Variants in SLC17A6 observed in about 807,000 individuals in gnomAD.
The protein encoded by SLC17A6 is vesicular glutamate transporter 2.
Under a neutral mutation model 67.1 loss-of-function variants are expected in SLC17A6, and 35 were observed. The ratio of observed to expected loss-of-function variants is 0.52; its 90% CI spans 0.40 to 0.69. SLC17A6 has a LOEUF of 0.69. SLC17A6 is among the 30% of genes least tolerant of loss of function. SLC17A6 has a pLI of 0.00. For missense variants in SLC17A6, 588 were observed against 723.9 expected, an observed-to-expected ratio of 0.81 and a Z score of 2.15; for synonymous variants, 285 against 252.3, an observed-to-expected ratio of 1.13 and a Z score of -1.23.
At chr11:22,359,849 G>A (rs1382550478) in intron 4 of SLC17A6, among the ~76,000 whole-genome samples, 1 of 151,978 alleles carries the variant, frequency 6.6e-6, no homozygotes, top group African/African-American at 2.4e-5. Context: ...GTCCTTTGCT[G>A]GTGATAACCA....
chr11:22,359,604 GTAAA>G (rs1393999804), intron 4 of SLC17A6, 77 bp downstream of exon 4: 4 of 794,814 alleles, frequency 5.0e-6, no homozygotes, highest in Non-Finnish European at 7.6e-6. Context: ...GTCTTTATCT[GTAAA>G]TAAATATATT....
Position 22,379,218 on chromosome 11 carries a change from C to T in SLC17A6, c.*1478C>T, listed in dbSNP as rs1276602006. On this transcript the variant is annotated 3_prime_UTR_variant, in exon 12 of 12. Coordinates refer to ENST00000263160, the MANE Select transcript of SLC17A6 (RefSeq NM_020346.3). Reference sequence around the variant, plus strand: ...TATGATAATACATTTCCCAATTCAACTCAAAATATTATTGGTGTATTTTGT... The same window carrying T: ...TATGATAATACATTTCCCAATTCAATTCAAAATATTATTGGTGTATTTTGT... 1 of 152,476 alleles carries T rather than the reference C, an allele frequency of 6.6e-6. No individual in the cohort carries two copies. Among genetic ancestry groups the T allele is most frequent in the Non-Finnish European group, 1.5e-5 (1 of 67,992 alleles). 9.4% of individuals were successfully genotyped at this position (152,476 alleles called of 1,614,324 possible).
chr11:22,344,866 A>AAT (rs1855857997), intron 3 of SLC17A6, among the ~76,000 whole-genome samples: 2 of 152,270 alleles, frequency 1.3e-5, no homozygotes, highest in East Asian at 1.9e-4. Flanking sequence ...TTAGATCCCC[A>AAT]ATATATATAG....
Position 22,377,852 on chromosome 11 carries a change from C to A in SLC17A6, c.*112C>A. On this transcript the variant is annotated 3_prime_UTR_variant, in exon 12 of 12. Coordinates refer to ENST00000263160, the MANE Select transcript of SLC17A6 (RefSeq NM_020346.3). ...TTGCAAGCATATCAACCAGGCAAGT[C>A]TTGCTGTAAAAATGAAAACAAAACA... 2 of 881,616 alleles carry A rather than the reference C, an allele frequency of 2.3e-6. No individual in the cohort carries two copies. Among genetic ancestry groups the A allele is most frequent in the Non-Finnish European group, 3.4e-6 (2 of 591,888 alleles). 54.6% of individuals were successfully genotyped at this position (881,616 alleles called of 1,614,324 possible).
chr11:22,347,066 C>T (rs1271621632), intron 3 of SLC17A6, among the ~76,000 whole-genome samples: 3 of 151,618 alleles, frequency 2.0e-5, no homozygotes, highest in Non-Finnish European at 2.9e-5. Flanking sequence ...TTTTACATGG[C>T]ACTTATCACC....
chr11:22,377,805 T>C lies in SLC17A6; in HGVS notation c.*65T>C. 5 of 1,334,716 alleles carry C rather than the reference T, an allele frequency of 3.7e-6. No individual in the cohort carries two copies. Among genetic ancestry groups the C allele is most frequent in the Non-Finnish European group, 5.1e-6 (5 of 988,768 alleles). 82.7% of individuals were successfully genotyped at this position (1,334,716 alleles called of 1,614,324 possible). A position where few individuals can be genotyped will look rare whatever the true frequency, so the allele number is the denominator to read the frequency against. ...AAATTCATTGTGATTGCACAAAAAT[T>C]TTAAAAACACGTGATGTAAACTTGC... is the stretch of plus-strand genomic sequence containing the variant. On this transcript the variant is annotated 3_prime_UTR_variant, in exon 12 of 12. Transcript: ENST00000263160.
Position 22,338,493 on chromosome 11 carries a change from C to G in SLC17A6, c.-41C>G. The G allele has an allele frequency of 7.2e-7, 1 of 1,390,932 alleles. No homozygotes were observed. The highest frequency in any genetic ancestry group is 1.0e-6 in the Non-Finnish European group (1 of 979,974). 86.2% of individuals were successfully genotyped at this position (1,390,932 alleles called of 1,614,324 possible). A position where few individuals can be genotyped will look rare whatever the true frequency, so the allele number is the denominator to read the frequency against. The stretch of plus-strand genomic sequence containing the variant: ...CAATCCTCGCCTTTCCTAGCAATCA[C>G]TATTTAAATCTGGCAAGAACTGACA... On this transcript the variant is annotated 5_prime_UTR_variant, in exon 1 of 12. Transcript: ENST00000263160.
chr11:22,378,695 A>G lies in SLC17A6; in HGVS notation c.*955A>G, dbSNP rs1856261583. 6.6e-6 allele frequency: 1 copy of G among 152,398 alleles called. No homozygotes were observed. Among genetic ancestry groups the G allele is most frequent in the African/African-American group, 2.4e-5 (1 of 41,462 alleles). The allele number at this position is 152,398 out of a possible 1,614,324, so 9.4% of individuals were successfully genotyped here. On this transcript the variant is annotated 3_prime_UTR_variant, in exon 12 of 12. Coordinates refer to ENST00000263160, the MANE Select transcript of SLC17A6 (RefSeq NM_020346.3). ...CTTTCTTCCTTCATAATTAAATACT[A>G]TATGAAACTTGTGCCACAGAGCTAT...
chr11:22,374,681 AG>A, intron 8 of SLC17A6, 73 bp from the exon 9 acceptor site: 1 of 1,269,932 alleles, frequency 7.9e-7, no homozygotes, highest in South Asian at 1.7e-5. Context: ...TGACAGATTC[AG>A]AAACAAAGGC....
chr11:22,364,055 T>C (rs1327664070), intron 6 of SLC17A6, among the ~76,000 whole-genome samples: 2 of 152,176 alleles, frequency 1.3e-5, no homozygotes, highest in Non-Finnish European at 2.9e-5. Flanking sequence ...CATTTGATAT[T>C]TATCATTGAA....
chr11:22,376,774 T>C, intron 11 of SLC17A6, 102 bp downstream of exon 11: 2 of 1,241,712 alleles, frequency 1.6e-6, no homozygotes. Flanking sequence ...TTTTCTTTCT[T>C]GTCCAGTCAC....
chr11:22,351,249 A>G (rs917901225), intron 3 of SLC17A6, among the ~76,000 whole-genome samples: 5 of 152,060 alleles, frequency 3.3e-5, no homozygotes, highest in African/African-American at 9.7e-5. Flanking sequence ...CTTTTATTAT[A>G]TTTCAGATTC....
chr11:22,349,397 G>A (rs1243175250), intron 3 of SLC17A6, among the ~76,000 whole-genome samples: 1 of 152,142 alleles, frequency 6.6e-6, no homozygotes, highest in Non-Finnish European at 1.5e-5. Context: ...GTCAGGAGAA[G>A]CCTGCATTTT....
intron 3 of SLC17A6, among the ~76,000 whole-genome samples, chr11:22,356,543 GA>G (rs1264798081): frequency 6.6e-6 from 1 of 152,098 alleles, no homozygotes; most frequent in Non-Finnish European, 1.5e-5. Context: ...GATAGATAAA[GA>G]AATTAAGAGA....
chr11:22,341,305 A>T (rs1855812575), intron 1 of SLC17A6, among the ~76,000 whole-genome samples: 1 of 152,158 alleles, frequency 6.6e-6, no homozygotes, highest in Admixed American at 6.5e-5. Flanking sequence ...AAAGGTGTTA[A>T]AGTTGAAGAG....
At position 22,376,071 on chromosome 11, in the gene SLC17A6, T is replaced by C; in HGVS notation, c.1264T>C (p.Phe422Leu). 1 of 1,611,638 alleles carries C rather than the reference T, an allele frequency of 6.2e-7. No individual in the cohort carries two copies. The highest frequency in any genetic ancestry group is 8.5e-7 in the Non-Finnish European group (1 of 1,178,676). ...CTCATTCTTGGTACTTGCAGTGGGA[T>C]TCAGTGGATTTGCTATATCTGGTAA... ...AISFLVLAVG[F>L]SGFAISGFNV... is the part of the protein sequence containing the mutation. Residue 422 changes from phenylalanine to leucine, a missense_variant, in exon 10 of 12, where the codon TTC becomes CTC. Physicochemically the swap from Phe to Leu is conservative, Grantham distance 22. This residue lies in a region of SLC17A6 where 414 missense variants were observed against 563.4 expected (regional missense o/e 0.73). Transcript: ENST00000263160.
At chr11:22,339,085 T>C (rs1855773353) in intron 1 of SLC17A6, among the ~76,000 whole-genome samples, 1 of 107,822 alleles carries the variant, frequency 9.3e-6, no homozygotes, top group Non-Finnish European at 1.9e-5. Context: ...ATGTTATATA[T>C]ATATGTTATA....
intron 4 of SLC17A6, among the ~76,000 whole-genome samples, chr11:22,359,937 A>G (rs1055375157): frequency 1.3e-5 from 2 of 152,110 alleles, no homozygotes; most frequent in Non-Finnish European, 2.9e-5. Context: ...TCACTGAAAT[A>G]TTTCATCGAA....
At chr11:22,359,239 A>G (rs1856022255) in intron 3 of SLC17A6, among the ~76,000 whole-genome samples, 174 bp from the exon 4 acceptor site, 2 of 152,218 alleles carry the variant, frequency 1.3e-5, no homozygotes, top group Non-Finnish European at 2.9e-5. Context: ...CCATGTATAT[A>G]TTCACAATGG....
Sources: gnomAD v4.1 joint callset for allele counts (sites outside exome capture counted in the v4.1 genomes callset) on GRCh38, gnomAD v4.1.1 for gene constraint, gnomAD v4.1.1 regional missense constraint, MANE v1.5 for transcripts, NCBI Gene and HGNC (gene_info 2026-07-23, HGNC 2026-07-21) for gene names.